GPC5: variants seen among roughly 807,000 people sequenced by gnomAD.
GPC5 encodes the protein glypican 5, also known as glypican-5.
Under a neutral mutation model 53.9 loss-of-function variants are expected in GPC5, and 47 were observed. The ratio of observed to expected loss-of-function variants is 0.87; its 90% CI spans 0.69 to 1.11. The LOEUF (loss-of-function observed/expected upper bound fraction) is 1.11. Among genes scored for constraint, GPC5 ranks in the 50% most tolerant of loss-of-function variants. The pLI, the probability that GPC5 is intolerant of heterozygous loss-of-function variation, is 0.00. For missense variants in GPC5, 748 were observed against 713.1 expected, an observed-to-expected ratio of 1.05 and a Z score of -0.56; for synonymous variants, 286 against 263.3, an observed-to-expected ratio of 1.09 and a Z score of -0.84.
intron 6 of GPC5, among the ~76,000 whole-genome samples, chr13:92,106,747 C>A (rs565750773): frequency 6.6e-6 from 1 of 152,022 alleles, no homozygotes; most frequent in African/African-American, 2.4e-5. Flanking sequence ...GGCTTCCATT[C>A]GCTCTATGGA....
At chr13:91,648,132 A>G (rs767236624) in intron 2 of GPC5, among the ~76,000 whole-genome samples, 19 of 152,184 alleles carry the variant, frequency 1.2e-4, no homozygotes, top group Non-Finnish European at 1.0e-4. Context: ...TGCTAGTATG[A>G]AAAATACTTT....
chr13:91,741,239 AC>A (rs2036927574), intron 4 of GPC5, among the ~76,000 whole-genome samples: 1 of 152,200 alleles, frequency 6.6e-6, no homozygotes, highest in Non-Finnish European at 1.5e-5. Context: ...TGTCTTCAGA[AC>A]TTAATTGAAA....
At chr13:92,183,399 G>C (rs1004396978) in intron 7 of GPC5, among the ~76,000 whole-genome samples, 2 of 152,022 alleles carry the variant, frequency 1.3e-5, no homozygotes, top group African/African-American at 4.8e-5. Context: ...TATGGTAGCA[G>C]CACCATTTAT....
At chr13:91,612,236 A>G (rs1342336134) in intron 2 of GPC5, among the ~76,000 whole-genome samples, 1 of 152,196 alleles carries the variant, frequency 6.6e-6, no homozygotes, top group Non-Finnish European at 1.5e-5. Context: ...GATAATATGA[A>G]GAATAAATTA....
intron 7 of GPC5, among the ~76,000 whole-genome samples, chr13:92,488,696 C>T (rs1050738321): frequency 6.6e-6 from 1 of 152,160 alleles, no homozygotes; most frequent in Admixed American, 6.5e-5. Flanking sequence ...TGCATATGCT[C>T]AGAATTCACA....
chr13:92,647,475 C>G (rs1352369981), intron 7 of GPC5, among the ~76,000 whole-genome samples: 3 of 152,046 alleles, frequency 2.0e-5, no homozygotes, highest in African/African-American at 7.2e-5. Flanking sequence ...ATAAATACAG[C>G]ACCCTCAGTT....
At chr13:92,751,330 A>AAC (rs1889392520) in intron 7 of GPC5, among the ~76,000 whole-genome samples, 1 of 145,954 alleles carries the variant, frequency 6.9e-6, no homozygotes, top group Non-Finnish European at 1.5e-5. Context: ...AAAAAAAAAA[A>AAC]AAAAACCTTC....
At chr13:92,062,034 C>A (rs1003539366) in intron 6 of GPC5, among the ~76,000 whole-genome samples, 1 of 151,698 alleles carries the variant, frequency 6.6e-6, no homozygotes, top group African/African-American at 2.4e-5. Flanking sequence ...TGCTTGTTTT[C>A]TTGTTAAGAA....
intron 2 of GPC5, among the ~76,000 whole-genome samples, chr13:91,655,833 C>G (rs372803443): frequency 2.0e-5 from 3 of 152,118 alleles, no homozygotes; most frequent in African/African-American, 4.8e-5. Flanking sequence ...ACCTGCTAGT[C>G]TGTCAGGAGA....
At chr13:92,634,967 T>C (rs1428278216) in intron 7 of GPC5, among the ~76,000 whole-genome samples, 3 of 151,868 alleles carry the variant, frequency 2.0e-5, no homozygotes, top group Non-Finnish European at 2.9e-5. Context: ...TATTATTTTT[T>C]CCATTTTAAA....
rs555970856 is a variant in GPC5, at chr13:91,950,321, C to A, written c.1401+42264C>A. Among the ~76,000 whole-genome samples the A allele has an allele frequency of 1.0e-4, 15 of 145,614 alleles. No homozygotes were observed. The Admixed American group carries it at 1.0e-3, about 10-fold the overall frequency. The stretch of plus-strand genomic sequence containing the variant: ...CATCTTTAGCATTCTCTTCCTTCAG[C>A]CTGGGATGAAATTCTCTGCTCCCCT... On this transcript the variant is annotated intron_variant, in intron 6 of 7. Transcript: ENST00000377067.
chr13:91,599,923 A>C (rs934398971), intron 2 of GPC5, among the ~76,000 whole-genome samples: 1 of 152,208 alleles, frequency 6.6e-6, no homozygotes, highest in Non-Finnish European at 1.5e-5. Flanking sequence ...ATACATAGTT[A>C]AGAGCTCAGC....
intron 7 of GPC5, among the ~76,000 whole-genome samples, chr13:92,667,721 G>A (rs760132803): frequency 7.9e-5 from 12 of 152,082 alleles, no homozygotes; most frequent in Middle Eastern, 3.2e-3. Flanking sequence ...TTGCGGACAC[G>A]CTTGACTCTT....
chr13:92,210,149 C>A (rs1337494231), intron 7 of GPC5, among the ~76,000 whole-genome samples: 1 of 152,112 alleles, frequency 6.6e-6, no homozygotes, highest in Non-Finnish European at 1.5e-5. Context: ...CACCTAGGAA[C>A]AATACTTTGC....
intron 5 of GPC5, among the ~76,000 whole-genome samples, chr13:91,781,442 A>C (rs1179380676): frequency 6.6e-6 from 1 of 152,244 alleles, no homozygotes; most frequent in Non-Finnish European, 1.5e-5. Context: ...TTTATTTATA[A>C]GGTATTCTTC....
intron 5 of GPC5, among the ~76,000 whole-genome samples, chr13:91,871,653 T>A (rs2039145760): frequency 6.6e-6 from 1 of 152,192 alleles, no homozygotes; most frequent in Non-Finnish European, 1.5e-5. Flanking sequence ...TTTAGTATAT[T>A]AATTACATTG....
At chr13:91,985,330 T>C (rs1473838464) in intron 6 of GPC5, among the ~76,000 whole-genome samples, 1 of 151,896 alleles carries the variant, frequency 6.6e-6, no homozygotes, top group East Asian at 1.9e-4. Context: ...ATGTGTCTTA[T>C]GTTCTTATAT....
rs560434779 is a variant in GPC5, at chr13:92,207,870, A to G, written c.1561+62881A>G. ...ACTCTGAACATTTTTATCTACCACTAGGTATGCAAGTCCAGTCCGGAATAA... is the reference window on the plus strand; with the variant it reads ...ACTCTGAACATTTTTATCTACCACTGGGTATGCAAGTCCAGTCCGGAATAA... On this transcript the variant is annotated intron_variant, in intron 7 of 7. Coordinates refer to ENST00000377067, the MANE Select transcript of GPC5 (RefSeq NM_004466.6). Among the ~76,000 whole-genome samples the G allele has an allele frequency of 2.6e-5, 4 of 152,262 alleles. 1 individual carries two copies. In the South Asian group the frequency reaches 8.3e-4, roughly 32 times the overall value.
chr13:91,733,355 A>G (rs1338112346), intron 4 of GPC5, among the ~76,000 whole-genome samples: 1 of 152,068 alleles, frequency 6.6e-6, no homozygotes, highest in Non-Finnish European at 1.5e-5. Flanking sequence ...GGCTGGTCTC[A>G]AACTCCTGAC....
Sources: allele counts gnomAD v4.1 joint callset (sites outside exome capture counted in the v4.1 genomes callset), GRCh38; gene constraint gnomAD v4.1.1; transcripts MANE v1.5; gene names NCBI Gene and HGNC (gene_info 2026-07-23, HGNC 2026-07-21).